TTC1: variants seen among roughly 807,000 people sequenced by gnomAD.
The protein encoded by TTC1 is tetratricopeptide repeat protein 1.
A neutral mutation model predicts 37.6 loss-of-function variants in TTC1; 31 were observed. The observed-to-expected ratio is 0.82, with a 90% CI of 0.62 to 1.11. The LOEUF (loss-of-function observed/expected upper bound fraction) is 1.11, where lower values mean the gene tolerates loss of function less well. TTC1 is among the 50% of genes most tolerant of loss of function. The pLI, the probability that TTC1 is intolerant of heterozygous loss-of-function variation, is 0.00. For missense variants in TTC1, 351 were observed against 339.0 expected (o/e 1.04, Z -0.28); for synonymous variants, 127 against 122.4 (o/e 1.04, Z -0.25).
At chr5:160,040,595 C>T (rs1424641108) in intron 4 of TTC1, among the ~76,000 whole-genome samples, 2 of 151,850 alleles carry the variant, frequency 1.3e-5, no homozygotes, top group African/African-American at 4.8e-5. Context: ...CTCTTCTGAG[C>T]TGGGGCAGGG....
At chr5:160,030,997 C>G (rs1312183019) in intron 2 of TTC1, among the ~76,000 whole-genome samples, 1 of 152,178 alleles carries the variant, frequency 6.6e-6, no homozygotes, top group African/African-American at 2.4e-5. Context: ...GACCTATACA[C>G]TATCTATCAT....
chr5:160,045,454 C>CACACA (rs1757191406), intron 5 of TTC1, among the ~76,000 whole-genome samples: 2 of 38,878 alleles, frequency 5.1e-5, no homozygotes, highest in Non-Finnish European at 9.6e-5. Context: ...CCCCCACCCT[C>CACACA]CACACACACA....
chr5:160,051,081 GGT>G (rs1491228352), intron 6 of TTC1, 46 bp from the exon 7 acceptor site: 8 of 1,094,286 alleles, frequency 7.3e-6, no homozygotes, highest in South Asian at 1.6e-5. Context: ...GAAAGGTTTT[GGT>G]TTTTTTTTTT....
At chr5:160,020,012 T>C (rs576364133) in intron 2 of TTC1, among the ~76,000 whole-genome samples, 38 of 152,188 alleles carry the variant, frequency 2.5e-4, no homozygotes, top group African/African-American at 9.2e-4. Context: ...CACTGCAACC[T>C]CTGCCTCCCA....
intron 7 of TTC1, among the ~76,000 whole-genome samples, chr5:160,063,182 A>G (rs1753482706): frequency 6.6e-6 from 1 of 152,186 alleles, no homozygotes; most frequent in Admixed American, 6.5e-5. Flanking sequence ...TAAGCCTGAG[A>G]CTAAAAGTTC....
chr5:160,033,809 C>T (rs1320419328), intron 2 of TTC1, among the ~76,000 whole-genome samples: 2 of 152,240 alleles, frequency 1.3e-5, no homozygotes, highest in African/African-American at 4.8e-5. Flanking sequence ...CATATCAGTT[C>T]CTCATGTTAA....
intron 7 of TTC1, among the ~76,000 whole-genome samples, chr5:160,055,673 C>T (rs562740881): frequency 6.6e-6 from 1 of 152,318 alleles, no homozygotes; most frequent in South Asian, 2.1e-4. Flanking sequence ...GATGCACACT[C>T]AACTTTAATG....
At chr5:160,060,597 T>A (rs1753339908) in intron 7 of TTC1, among the ~76,000 whole-genome samples, 1 of 152,180 alleles carries the variant, frequency 6.6e-6, no homozygotes, top group Non-Finnish European at 1.5e-5. Context: ...TGACAGCCAG[T>A]GGAAAGTGTG....
intron 2 of TTC1, among the ~76,000 whole-genome samples, chr5:160,031,926 G>A (rs1355056709): frequency 1.3e-5 from 2 of 152,150 alleles, no homozygotes; most frequent in Non-Finnish European, 2.9e-5. Context: ...AGGAGTTCAA[G>A]TTTACAGTAA....
chr5:160,051,078 T>G, intron 6 of TTC1, 51 bp from the exon 7 acceptor site: 2 of 1,383,274 alleles, frequency 1.4e-6, no homozygotes, highest in Non-Finnish European at 1.9e-6. Context: ...AGGGAAAGGT[T>G]TTGGTTTTTT....
intron 4 of TTC1, among the ~76,000 whole-genome samples, chr5:160,040,242 A>G (rs1331631103): frequency 6.6e-6 from 1 of 152,110 alleles, no homozygotes; most frequent in Non-Finnish European, 1.5e-5. Context: ...ATATATAGAT[A>G]CATAAACACA....
Position 160,055,922 on chromosome 5 carries a change from C to G in TTC1, c.745+4739C>G, listed in dbSNP as rs1211912020. Among the ~76,000 whole-genome samples the G allele has an allele frequency of 2.0e-5, 3 of 152,226 alleles. No individual in the cohort carries two copies. The East Asian group carries it at 5.8e-4, about 29-fold the overall frequency. On this transcript the variant is annotated intron_variant, in intron 7 of 7. Transcript: ENST00000231238. ...CAATTCACTAGAGTTCAGATCTCAG[C>G]TCTCTATTTGGACAAGTTGCCACTG...
intron 2 of TTC1, among the ~76,000 whole-genome samples, chr5:160,031,066 A>G (rs1756899904): frequency 6.6e-6 from 1 of 152,182 alleles, no homozygotes; most frequent in African/African-American, 2.4e-5. Context: ...TGGAGAAAGA[A>G]TGTATTCAGC....
intron 7 of TTC1, among the ~76,000 whole-genome samples, chr5:160,052,645 AGGCATTG>A (rs1469740001): frequency 9.4e-5 from 14 of 149,584 alleles, no homozygotes; most frequent in Admixed American, 8.0e-4. Context: ...TGGATCTGGA[AGGCATTG>A]GTCTCTTAGT....
intron 6 of TTC1, 21 bp from the exon 7 acceptor site, chr5:160,051,108 T>C (rs1312906966): frequency 2.5e-6 from 4 of 1,574,798 alleles, no homozygotes; most frequent in Non-Finnish European, 2.6e-6. Context: ...TACCAACCCT[T>C]GTTTCTCCTC....
At chr5:160,028,892 A>G (rs1224239543) in intron 2 of TTC1, among the ~76,000 whole-genome samples, 3 of 152,186 alleles carry the variant, frequency 2.0e-5, no homozygotes, top group Non-Finnish European at 4.4e-5. Flanking sequence ...TCAAAAAATC[A>G]GAAAAGATGA....
intron 7 of TTC1, among the ~76,000 whole-genome samples, chr5:160,058,427 T>A (rs1757603302): frequency 6.6e-6 from 1 of 150,930 alleles, no homozygotes; most frequent in African/African-American, 2.4e-5. Flanking sequence ...TTTTTTTTTT[T>A]TGAGACGGAG....
chr5:160,016,999 A>G (rs967494666), intron 2 of TTC1, among the ~76,000 whole-genome samples: 6 of 152,232 alleles, frequency 3.9e-5, no homozygotes, highest in Non-Finnish European at 8.8e-5. Flanking sequence ...CTCAGAGAGT[A>G]TAGTGTATTC....
intron 2 of TTC1, among the ~76,000 whole-genome samples, chr5:160,021,635 G>C (rs773467692): frequency 6.6e-6 from 1 of 152,146 alleles, no homozygotes; most frequent in Non-Finnish European, 1.5e-5. Context: ...CTCCCTAGAG[G>C]ACCTGTAAAG....
Sources: gnomAD v4.1 joint callset for allele counts (sites outside exome capture counted in the v4.1 genomes callset) on GRCh38, gnomAD v4.1.1 for gene constraint, MANE v1.5 for transcripts, NCBI Gene and HGNC (gene_info 2026-07-23, HGNC 2026-07-21) for gene names.